Variants in SLC39A11 observed in about 807,000 individuals in gnomAD.
The protein encoded by SLC39A11 is zinc transporter ZIP11.
SLC39A11 carries 33 observed loss-of-function variants against 36.1 expected under a neutral mutation model. The ratio of observed to expected loss-of-function variants is 0.91; its 90% CI spans 0.69 to 1.22. The LOEUF (loss-of-function observed/expected upper bound fraction) is 1.22. Among genes scored for constraint, SLC39A11 ranks in the 50% most tolerant of loss-of-function variants. The probability of loss-of-function intolerance (pLI) is 0.00; values close to 1 mark genes in which losing one functional copy is unlikely to be tolerated. For synonymous variants in SLC39A11, 166 were observed against 170.3 expected (o/e 0.97, Z 0.20); for missense variants, 432 against 430.3 (o/e 1.00, Z -0.03).
intron 5 of SLC39A11, among the ~76,000 whole-genome samples, chr17:72,942,549 AAAT>A (rs2085180221): frequency 6.6e-6 from 1 of 152,204 alleles, no homozygotes; most frequent in South Asian, 2.1e-4. Context: ...ACTCTCGATC[AAAT>A]TTAAGATCAC....
intron 5 of SLC39A11, among the ~76,000 whole-genome samples, chr17:72,934,017 TTTAACATCCA>T (rs2084589291): frequency 6.6e-6 from 1 of 151,856 alleles, no homozygotes; most frequent in African/African-American, 2.4e-5. Context: ...GCTGGGACAA[TTTAACATCCA>T]TATGAAAAAA....
At chr17:72,696,159 T>C (rs973358274) in intron 7 of SLC39A11, among the ~76,000 whole-genome samples, 139 of 113,442 alleles carry the variant, frequency 1.2e-3, no homozygotes, top group Non-Finnish European at 4.4e-4. Flanking sequence ...AGGAAACAGG[T>C]GGGATTGGGA....
At chr17:72,731,136 G>A (rs1183099149) in intron 7 of SLC39A11, among the ~76,000 whole-genome samples, 1 of 152,134 alleles carries the variant, frequency 6.6e-6, no homozygotes, top group Non-Finnish European at 1.5e-5. Context: ...GAGATTATAT[G>A]GCCCACAGGC....
Position 72,820,184 on chromosome 17 carries a change from T to C in SLC39A11, c.601+29450A>G, listed in dbSNP as rs984481565. Among the ~76,000 whole-genome samples, 4 of 150,494 alleles carry C rather than the reference T, an allele frequency of 2.7e-5. 1 individual carries two copies. Among genetic ancestry groups the C allele is most frequent in the Non-Finnish European group, 6.0e-5 (4 of 67,216 alleles). ...GACAATTGTAATAAAAGTGGTACCA[T>C]TGCCTGCTGGAAAAGGTAGGTATGG... is the stretch of plus-strand genomic sequence containing the variant. On this transcript the variant is annotated intron_variant, in intron 6 of 9. Transcript: ENST00000255559.
At chr17:73,016,261 A>G (rs1598866889) in intron 4 of SLC39A11, among the ~76,000 whole-genome samples, 1 of 152,308 alleles carries the variant, frequency 6.6e-6, no homozygotes, top group Middle Eastern at 3.4e-3. Flanking sequence ...TAGACACCTG[A>G]TAAAAGTAAA....
At chr17:73,052,858 G>A (rs531008228) in intron 3 of SLC39A11, among the ~76,000 whole-genome samples, 8 of 152,172 alleles carry the variant, frequency 5.3e-5, no homozygotes, top group Non-Finnish European at 7.4e-5. Context: ...GTGCCATCAT[G>A]CCTGGCTAAT....
intron 5 of SLC39A11, among the ~76,000 whole-genome samples, chr17:72,898,724 A>G (rs2082158003): frequency 6.6e-6 from 1 of 152,264 alleles, no homozygotes. Context: ...ACACTCATAT[A>G]GATATTCATA....
chr17:72,672,971 G>A (rs955901179), intron 7 of SLC39A11, among the ~76,000 whole-genome samples: 10 of 151,958 alleles, frequency 6.6e-5, no homozygotes, highest in African/African-American at 1.5e-4. Flanking sequence ...ATCTGTGGCC[G>A]TTTTTGTTCA....
chr17:72,740,148 C>T (rs2074621486), intron 6 of SLC39A11, among the ~76,000 whole-genome samples: 1 of 143,222 alleles, frequency 7.0e-6, no homozygotes, highest in Non-Finnish European at 1.5e-5. Context: ...CTGCAAGCTC[C>T]ACCTCCTGGG....
At chr17:72,826,472 TA>T in intron 6 of SLC39A11, among the ~76,000 whole-genome samples, 1 of 152,338 alleles carries the variant, frequency 6.6e-6, no homozygotes, top group East Asian at 1.9e-4. Flanking sequence ...AAGGGCTTAT[TA>T]AAACCTGATT....
intron 6 of SLC39A11, among the ~76,000 whole-genome samples, chr17:72,815,119 C>T (rs1373077838): frequency 6.6e-6 from 1 of 152,174 alleles, no homozygotes; most frequent in Non-Finnish European, 1.5e-5. Context: ...CAAGGAGATG[C>T]TGAAGTTCTA....
chr17:72,931,940 CA>C (rs2084423482), intron 5 of SLC39A11, among the ~76,000 whole-genome samples: 1 of 152,206 alleles, frequency 6.6e-6, no homozygotes. Context: ...ATTCAACCCC[CA>C]ACCCCAGGCC....
chr17:72,899,670 C>T (rs1007070128), intron 5 of SLC39A11, among the ~76,000 whole-genome samples: 2 of 152,082 alleles, frequency 1.3e-5, no homozygotes, highest in African/African-American at 2.4e-5. Context: ...AGGGAGAGAA[C>T]GACAGCAGGG....
chr17:72,908,262 G>C (rs1162317104), intron 5 of SLC39A11, among the ~76,000 whole-genome samples: 1 of 152,216 alleles, frequency 6.6e-6, no homozygotes, highest in Non-Finnish European at 1.5e-5. Flanking sequence ...AATGGGTTGA[G>C]GCTGGGGGCC....
chr17:72,911,118 T>A (rs1176950536), intron 5 of SLC39A11, among the ~76,000 whole-genome samples: 1 of 152,018 alleles, frequency 6.6e-6, no homozygotes, highest in Non-Finnish European at 1.5e-5. Flanking sequence ...AAATAGACCT[T>A]CCCTGTACAC....
At chr17:73,060,077 TG>T (rs1470475262) in intron 3 of SLC39A11, among the ~76,000 whole-genome samples, 1 of 151,278 alleles carries the variant, frequency 6.6e-6, no homozygotes, top group South Asian at 2.1e-4. Context: ...AGCATGGTGG[TG>T]GGTGCCTGTA....
rs370366955 is a variant in SLC39A11, at chr17:72,737,382, G to A, written c.602-663C>T. ...GCTCATTGGCTGACGAAATGTTTAT[G>A]GTGGGTTTCATAGTACATGAGCACA... On this transcript the variant is annotated intron_variant, in intron 6 of 9. Transcript: ENST00000255559. Among the ~76,000 whole-genome samples the A allele has an allele frequency of 5.6e-4, 86 of 152,308 alleles. 3 individuals carry two copies. In the East Asian group the frequency reaches 0.014, roughly 26 times the overall value.
intron 6 of SLC39A11, among the ~76,000 whole-genome samples, chr17:72,738,354 AG>A (rs774041392): frequency 9.9e-5 from 15 of 152,198 alleles, no homozygotes; most frequent in Non-Finnish European, 1.6e-4. Context: ...CAGCTTTCAA[AG>A]GAACCACCCT....
intron 6 of SLC39A11, among the ~76,000 whole-genome samples, chr17:72,742,369 G>C (rs1212312028): frequency 2.0e-5 from 3 of 152,170 alleles, no homozygotes; most frequent in Admixed American, 2.0e-4. Context: ...CCATGGTCAT[G>C]AGAATATGAA....
Sources: gnomAD v4.1 joint callset for allele counts (sites outside exome capture counted in the v4.1 genomes callset) on GRCh38, gnomAD v4.1.1 for gene constraint, MANE v1.5 for transcripts, NCBI Gene and HGNC (gene_info 2026-07-23, HGNC 2026-07-21) for gene names.